SDK1: variants seen among roughly 807,000 people sequenced by gnomAD.
SDK1 encodes the protein sidekick cell adhesion molecule 1.
SDK1 carries 157 observed loss-of-function variants against 245.5 expected under a neutral mutation model. That is an observed-to-expected ratio of 0.64 (90% CI 0.56 to 0.73). The LOEUF is 0.73. Ranked by LOEUF, SDK1 falls within the 30% of genes least tolerant of loss-of-function variation. SDK1 has a pLI of 0.00. For synonymous variants in SDK1, 1,647 were observed against 1,278.5 expected (o/e 1.29, Z -6.15); for missense variants, 3,583 against 3,002.3 (o/e 1.19, Z -4.52).
Position 4,145,764 on chromosome 7 carries a change from C to T in SDK1, c.4271C>T (p.Thr1424Ile). The T allele has an allele frequency of 6.2e-7, 1 of 1,612,972 alleles. No homozygotes were observed. The highest frequency in any genetic ancestry group is 8.5e-7 in the Non-Finnish European group (1 of 1,179,544). Residue 1424 changes from threonine to isoleucine, a missense_variant, in exon 29 of 45, where the codon ACC (threonine) becomes ATC (isoleucine). Coordinates refer to ENST00000404826, the MANE Select transcript of SDK1 (RefSeq NM_152744.4). ...AYRLASSSPHTFTTVEVGATV... is the reference protein window; with the variant it reads ...AYRLASSSPHIFTTVEVGATV... ...CGCCTGGCCAGCAGCAGCCCCCACA[C>T]CTTCACCACCGTGGAGGTCGGCGCC...
intron 4 of SDK1, among the ~76,000 whole-genome samples, chr7:3,731,471 G>A (rs376519939): frequency 2.0e-5 from 3 of 152,160 alleles, no homozygotes; most frequent in Admixed American, 6.5e-5. Flanking sequence ...GACAGCTTCC[G>A]ACGAGTTGCC....
chr7:4,078,766 C>G lies in SDK1; in HGVS notation c.3203-697C>G, dbSNP rs372281516. Among the ~76,000 whole-genome samples the G allele has an allele frequency of 1.1e-3, 171 of 152,338 alleles. 2 individuals are homozygous for G. In the South Asian group the frequency reaches 0.019, roughly 17 times the overall value. On this transcript the variant is annotated intron_variant, in intron 21 of 44. Transcript: ENST00000404826. ...GAGCGGCATCTGAAGGGTCTCTCAT[C>G]TAGGAGTAGGCTTGAGCCACGGGCA...
intron 4 of SDK1, among the ~76,000 whole-genome samples, chr7:3,654,357 T>C (rs567537652): frequency 6.6e-6 from 1 of 152,270 alleles, no homozygotes; most frequent in South Asian, 2.1e-4. Flanking sequence ...TCATGAATAG[T>C]CTGCAGACTG....
At chr7:3,707,820 T>C (rs1299038491) in intron 4 of SDK1, among the ~76,000 whole-genome samples, 1 of 152,180 alleles carries the variant, frequency 6.6e-6, no homozygotes, top group Non-Finnish European at 1.5e-5. Flanking sequence ...TGTCTCTTTT[T>C]TTCTTTACTG....
At chr7:3,451,732 C>G (rs1780521250) in intron 1 of SDK1, among the ~76,000 whole-genome samples, 1 of 152,172 alleles carries the variant, frequency 6.6e-6, no homozygotes, top group African/African-American at 2.4e-5. Flanking sequence ...ACCAGGGGTT[C>G]TACTCTGCGT....
intron 1 of SDK1, among the ~76,000 whole-genome samples, chr7:3,516,607 T>G (rs531326035): frequency 6.6e-6 from 1 of 152,314 alleles, no homozygotes; most frequent in South Asian, 2.1e-4. Flanking sequence ...TTTTCTGGTG[T>G]GCTACTAACA....
chr7:4,076,255 T>C (rs1225649261), intron 20 of SDK1, among the ~76,000 whole-genome samples: 2 of 152,180 alleles, frequency 1.3e-5, no homozygotes, highest in African/African-American at 4.8e-5. Context: ...ACAAAAAATA[T>C]CGGCTTCCAA....
intron 1 of SDK1, among the ~76,000 whole-genome samples, chr7:3,477,512 T>C (rs1006231208): frequency 6.6e-6 from 1 of 150,976 alleles, no homozygotes; most frequent in Non-Finnish European, 1.5e-5. Context: ...TTTCTTTCTT[T>C]TTTCTTTTTT....
intron 7 of SDK1, chr7:3,958,327 GT>G (rs575612604): frequency 2.8e-5 from 7 of 249,382 alleles, no homozygotes; most frequent in African/African-American, 4.8e-5. Context: ...TACAACCACT[GT>G]TTTTTTTTCT....
intron 4 of SDK1, among the ~76,000 whole-genome samples, chr7:3,657,494 G>C (rs1271070392): frequency 6.6e-6 from 1 of 152,160 alleles, no homozygotes; most frequent in African/African-American, 2.4e-5. Flanking sequence ...GGGTGGTGTG[G>C]AAGGCACACT....
In SDK1 at chr7:4,265,409, G is replaced by A; in HGVS notation, c.*25G>A. The A allele has an allele frequency of 2.1e-6, 3 of 1,413,006 alleles. No individual in the cohort carries two copies. The highest frequency in any genetic ancestry group is 2.7e-6 in the Non-Finnish European group (3 of 1,092,750). 87.5% of individuals were successfully genotyped at this position (1,413,006 alleles called of 1,614,324 possible). ...AGCAAAGCGCCGCGCCTCCCTCAGG[G>A]CGGAACGGAGGCAACTTTCCGGAGT... On this transcript the variant is annotated 3_prime_UTR_variant, in exon 45 of 45. Transcript: ENST00000404826.
chr7:4,220,544 A>T (rs1785092089), intron 39 of SDK1, among the ~76,000 whole-genome samples: 1 of 141,206 alleles, frequency 7.1e-6, no homozygotes, highest in Non-Finnish European at 1.5e-5. Context: ...AAATCTTAAG[A>T]GGAAAATAAC....
At chr7:3,366,039 C>A (rs960979210) in intron 1 of SDK1, among the ~76,000 whole-genome samples, 225 of 140,096 alleles carry the variant, frequency 1.6e-3, no homozygotes, top group Non-Finnish European at 1.5e-3. Flanking sequence ...AATTCTGTCT[C>A]AAAAAAAAAA....
At chr7:3,950,173 T>C (rs1780744630) in intron 5 of SDK1, among the ~76,000 whole-genome samples, 1 of 152,168 alleles carries the variant, frequency 6.6e-6, no homozygotes. Context: ...CCATGCCCGG[T>C]AGGACAGGCT....
chr7:3,530,097 A>G (rs1783290868), intron 1 of SDK1, among the ~76,000 whole-genome samples: 1 of 152,228 alleles, frequency 6.6e-6, no homozygotes, highest in African/African-American at 2.4e-5. Context: ...GTATAATCAA[A>G]TTATGTCCCT....
intron 5 of SDK1, among the ~76,000 whole-genome samples, chr7:3,833,050 C>T (rs1212443810): frequency 6.6e-6 from 1 of 151,976 alleles, no homozygotes; most frequent in Non-Finnish European, 1.5e-5. Flanking sequence ...CCTAGCTCAC[C>T]TCAGTATTAG....
intron 44 of SDK1, among the ~76,000 whole-genome samples, chr7:4,260,450 C>A (rs1396855054): frequency 2.9e-5 from 4 of 139,362 alleles, no homozygotes; most frequent in Admixed American, 2.1e-4. Context: ...GAGAAGCTGG[C>A]TGCTCCGGGG....
intron 5 of SDK1, among the ~76,000 whole-genome samples, chr7:3,827,023 C>A (rs1373734371): frequency 6.6e-6 from 1 of 152,152 alleles, no homozygotes; most frequent in Non-Finnish European, 1.5e-5. Context: ...TTCACCATAT[C>A]CCCATCTCTT....
chr7:3,316,629 G>T (rs1779668813), intron 1 of SDK1, among the ~76,000 whole-genome samples: 1 of 152,170 alleles, frequency 6.6e-6, no homozygotes, highest in Non-Finnish European at 1.5e-5. Context: ...ACAGAAATGT[G>T]CCACTTTCTG....
Sources: gnomAD v4.1 joint callset for allele counts (sites outside exome capture counted in the v4.1 genomes callset) on GRCh38, gnomAD v4.1.1 for gene constraint, MANE v1.5 for transcripts, NCBI Gene and HGNC (gene_info 2026-07-23, HGNC 2026-07-21) for gene names.